Variants in OGG1 observed in about 807,000 individuals in gnomAD.
OGG1 encodes the protein 8-oxoguanine DNA glycosylase.
Under a neutral mutation model 42.3 loss-of-function variants are expected in OGG1, and 35 were observed. The observed-to-expected ratio is 0.83, with a 90% confidence interval of 0.63 to 1.10. OGG1 has a LOEUF of 1.10. Among genes scored for constraint, OGG1 ranks in the 50% least tolerant of loss-of-function variants. The pLI is 0.00. For missense variants in OGG1, 484 were observed against 446.7 expected, an observed-to-expected ratio of 1.08 and a Z score of -0.75; for synonymous variants, 189 against 179.0, an observed-to-expected ratio of 1.06 and a Z score of -0.44.
At chr3:9,783,028 T>C (rs561483243) in intron 3 of OGG1, 1 of 152,316 alleles carries the variant, frequency 6.6e-6, no homozygotes, top group East Asian at 1.9e-4. Flanking sequence ...GGCACTGTGA[T>C]GGATTCCCAA....
rs995971057 is a variant in OGG1, at chr3:9,780,218, G to C, written c.295-1295G>C. On this transcript the variant is annotated intron_variant, in intron 2 of 3. Coordinates refer to the OGG1 transcript ENST00000426518. ...TACAGAGCTAGGCCAAAAGACCTCA[G>C]GGGAAGGGCCACGGCCCTCTAGAGA... is the stretch of plus-strand genomic sequence containing the variant. The C allele has an allele frequency of 7.9e-6, 7 of 882,666 alleles. No homozygotes were observed. In the African/African-American group the frequency reaches 1.0e-4, roughly 13 times the overall value. 54.7% of individuals were successfully genotyped at this position (882,666 alleles called of 1,614,324 possible).
intron 3 of OGG1, among the ~76,000 whole-genome samples, chr3:9,785,160 C>G (rs1022970056): frequency 4.6e-5 from 7 of 152,338 alleles, no homozygotes; most frequent in African/African-American, 1.4e-4. Context: ...TCTGTGCATG[C>G]AGACACGCTG....
chr3:9,771,369 G>A (rs2078295506), downstream of OGG1, among the ~76,000 whole-genome samples: 1 of 152,132 alleles, frequency 6.6e-6, no homozygotes, highest in Admixed American at 6.5e-5. Context: ...AGATAGCTGA[G>A]GTTCCTGGAA....
At position 9,751,980 on chromosome 3, in the gene OGG1, T is replaced by G. The variant is rs2077324952; in HGVS notation, c.565+31T>G. On this transcript the variant is annotated intron_variant, in intron 3 of 6. Transcript: ENST00000344629. ...TAGGTGGGTCCCCTGCCCCCAGGCC[T>G]TCCATCAGCTTTCAAGATCTGTTCA... 3 of 1,600,744 alleles carry G rather than the reference T, an allele frequency of 1.9e-6. No homozygotes were observed. In the South Asian group the frequency reaches 3.3e-5, roughly 18 times the overall value.
intron 3 of OGG1, among the ~76,000 whole-genome samples, chr3:9,782,737 G>A (rs1329064178): frequency 6.7e-6 from 1 of 148,890 alleles, no homozygotes; most frequent in African/African-American, 2.5e-5. Context: ...GTTGCAGTGA[G>A]CCGAGATCAT....
At chr3:9,757,478 A>AGG (rs1456249927), downstream of OGG1, 2 of 1,603,088 alleles carry the variant, frequency 1.2e-6, no homozygotes, top group African/African-American at 1.3e-5. The surrounding 1 kb of genome is among the most constrained non-coding windows in gnomAD (Gnocchi z 4.5). Context: ...CAGGGAGGGA[A>AGG]GGGGAGCAGG....
At chr3:9,759,439 GGGA>G, downstream of OGG1, 6 of 1,612,976 alleles carry the variant, frequency 3.7e-6, no homozygotes, top group Non-Finnish European at 5.1e-6. Context: ...GGTAGGGATG[GGGA>G]GGAGTCCTGG....
downstream of OGG1, chr3:9,758,793 C>T (rs2077708373): frequency 3.9e-6 from 1 of 257,188 alleles, no homozygotes; most frequent in East Asian, 1.0e-4. Context: ...CCATGTGTGG[C>T]TAATTCTTTT....
intron 2 of OGG1, among the ~76,000 whole-genome samples, chr3:9,778,889 A>G (rs534411961): frequency 1.3e-5 from 2 of 152,162 alleles, no homozygotes; most frequent in Non-Finnish European, 2.9e-5. Context: ...GGTATACGAG[A>G]ATGTTGGCCA....
downstream of OGG1, among the ~76,000 whole-genome samples, chr3:9,788,435 C>A (rs1489394077): frequency 6.6e-6 from 1 of 151,776 alleles, no homozygotes; most frequent in South Asian, 2.1e-4. Flanking sequence ...TTAGTAGAGA[C>A]GGGGTTTCAC....
Position 9,751,068 on chromosome 3 carries a change from G to A in OGG1, c.261G>A (p.Arg87=). The part of the protein sequence containing the change: ...VYRGDKSQAS[R]PTPDELEAVR... ...GAGGAGACAAGAGCCAGGCTAGCAGGCCCACACCAGACGAGCTGGAGGCCG... is the reference window on the plus strand; with the variant it reads ...GAGGAGACAAGAGCCAGGCTAGCAGACCCACACCAGACGAGCTGGAGGCCG... The change falls in exon 2 of 7, where the codon AGG becomes AGA. Residue 87 remains arginine, a synonymous_variant. Coordinates refer to ENST00000344629, the MANE Select transcript of OGG1 (RefSeq NM_002542.6). The A allele has an allele frequency of 6.2e-7, 1 of 1,613,922 alleles. No individual in the cohort carries two copies. Among genetic ancestry groups the A allele is most frequent in the Non-Finnish European group, 8.5e-7 (1 of 1,179,916 alleles).
At chr3:9,759,887 A>G (rs1159401696), downstream of OGG1, 5 of 1,445,558 alleles carry the variant, frequency 3.5e-6, no homozygotes, top group Non-Finnish European at 4.7e-6. Flanking sequence ...CACCCCACCC[A>G]ACCTATGCTC....
chr3:9,751,769 GGTGTGC>G lies in OGG1; in HGVS notation c.387_392del (p.Val130_Arg131del). 1 of 1,614,160 alleles carries G rather than the reference GGTGTGC, an allele frequency of 6.2e-7. No individual in the cohort carries two copies. The highest frequency in any genetic ancestry group is 8.5e-7 in the Non-Finnish European group (1 of 1,180,012). ...CTACCCCCTGCATTTCTGGTCTCCA[GGTGTGC>G]GACTGCTGCGACAAGACCCCATCGA... is the stretch of plus-strand genomic sequence containing the variant. On this transcript the variant is annotated inframe_deletion and splice_region_variant, in exon 3 of 7. Transcript: ENST00000344629.
At chr3:9,790,796 T>C (rs190525901), downstream of OGG1, among the ~76,000 whole-genome samples, 2 of 152,338 alleles carry the variant, frequency 1.3e-5, no homozygotes, top group East Asian at 1.9e-4. Context: ...CTCAGAGATA[T>C]GAGGCAACTT....
chr3:9,778,341 G>C (rs1051894206), intron 2 of OGG1, among the ~76,000 whole-genome samples: 13 of 152,172 alleles, frequency 8.5e-5, no homozygotes, highest in African/African-American at 2.9e-4. Context: ...GGGAGGCAGG[G>C]CCTCATGCTG....
downstream of OGG1, chr3:9,758,526 G>A (rs1283893719): frequency 1.3e-5 from 2 of 155,284 alleles, no homozygotes; most frequent in East Asian, 3.8e-4. Flanking sequence ...CCCTGTTGCT[G>A]CTACTGTGGT....
In OGG1 at chr3:9,750,186, G is replaced by T; in HGVS notation, c.-101G>T. Reference sequence around the variant, plus strand: ...TGTTAAACAGCACCGTGTGGGCGAGGCCTTAAGGGTCGTGGTCCTTGTCTG... The same window carrying T: ...TGTTAAACAGCACCGTGTGGGCGAGTCCTTAAGGGTCGTGGTCCTTGTCTG... On this transcript the variant is annotated 5_prime_UTR_variant, in exon 1 of 7. Coordinates refer to ENST00000344629, the MANE Select transcript of OGG1 (RefSeq NM_002542.6). 2 of 1,427,092 alleles carry T rather than the reference G, an allele frequency of 1.4e-6. No individual in the cohort carries two copies. The highest frequency in any genetic ancestry group is 9.5e-7 in the Non-Finnish European group (1 of 1,055,434). 88.4% of individuals were successfully genotyped at this position (1,427,092 alleles called of 1,614,324 possible). A position where few individuals can be genotyped will look rare whatever the true frequency, so the allele number is the denominator to read the frequency against.
At chr3:9,750,495 G>A in intron 1 of OGG1, 72 bp downstream of exon 1, 1 of 1,599,104 alleles carries the variant, frequency 6.3e-7, no homozygotes, top group Non-Finnish European at 8.5e-7. Context: ...CTGGCATGGG[G>A]TACAAAGGAA....
chr3:9,759,368 G>T, downstream of OGG1: 1 of 1,541,622 alleles, frequency 6.5e-7, no homozygotes, highest in Non-Finnish European at 9.0e-7. Flanking sequence ...CCTTCAGTAA[G>T]GATCCCTAAG....
Sources: allele counts gnomAD v4.1 joint callset (sites outside exome capture counted in the v4.1 genomes callset), GRCh38; gene constraint gnomAD v4.1.1; non-coding constraint Gnocchi (gnomAD v3.1); transcripts MANE v1.5; gene names NCBI Gene and HGNC (gene_info 2026-07-23, HGNC 2026-07-21).